SCHIP1: variants seen among roughly 807,000 people sequenced by gnomAD.
SCHIP1 encodes the protein schwannomin interacting protein 1.
SCHIP1 carries 8 observed loss-of-function variants against 29.7 expected under a neutral mutation model. The ratio of observed to expected loss-of-function variants is 0.27; its 90% confidence interval spans 0.16 to 0.49. The LOEUF is 0.49. Among genes scored for constraint, SCHIP1 ranks in the 20% least tolerant of loss-of-function variants. The pLI is 0.99. For synonymous variants in SCHIP1, 76 were observed against 94.9 expected, an observed-to-expected ratio of 0.80 and a Z score of 1.16; for missense variants, 193 against 294.6, an observed-to-expected ratio of 0.66 and a Z score of 2.52.
the SCHIP1 span, among the ~76,000 whole-genome samples, chr3:159,795,084 G>A: frequency 3.2e-4 from 49 of 152,276 alleles, no homozygotes; most frequent in Middle Eastern, 3.4e-3. Flanking sequence ...GTAAAGGAGC[G>A]GTGAACTGTA....
At chr3:159,300,179 A>G in the SCHIP1 span, among the ~76,000 whole-genome samples, 3,634 of 135,462 alleles carry the variant, frequency 0.027, 156 homozygotes, top group African/African-American at 0.099. Flanking sequence ...TGGAGTGCGA[A>G]TGGCATAATC....
chr3:159,698,655 T>C, the SCHIP1 span, among the ~76,000 whole-genome samples: 1 of 152,184 alleles, frequency 6.6e-6, no homozygotes, highest in Non-Finnish European at 1.5e-5. Context: ...TTATTTTTTC[T>C]TGAGGCAGGG....
the SCHIP1 span, among the ~76,000 whole-genome samples, chr3:159,479,951 A>G: frequency 3.9e-4 from 59 of 152,296 alleles, no homozygotes; most frequent in Non-Finnish European, 7.2e-4. Flanking sequence ...GGAGTTGGGG[A>G]AAATTGTTAG....
At chr3:159,575,288 T>C in the SCHIP1 span, among the ~76,000 whole-genome samples, 1 of 152,230 alleles carries the variant, frequency 6.6e-6, no homozygotes, top group African/African-American at 2.4e-5. Flanking sequence ...ATAATTTTTA[T>C]TAGAGTACTA....
chr3:159,535,967 T>C, the SCHIP1 span, among the ~76,000 whole-genome samples: 2 of 152,352 alleles, frequency 1.3e-5, no homozygotes, highest in East Asian at 3.9e-4. Flanking sequence ...CTATGCAGCA[T>C]GGTAGCTATT....
the SCHIP1 span, among the ~76,000 whole-genome samples, chr3:159,626,302 T>A: frequency 1.5e-5 from 2 of 137,068 alleles, no homozygotes; most frequent in South Asian, 2.4e-4. Flanking sequence ...ATAGATAGAT[T>A]TTTTTTTACC....
chr3:159,672,753 A>G, the SCHIP1 span, among the ~76,000 whole-genome samples: 1 of 152,218 alleles, frequency 6.6e-6, no homozygotes, highest in Non-Finnish European at 1.5e-5. Context: ...TGGAATATTT[A>G]ATCTTACTGG....
the SCHIP1 span, among the ~76,000 whole-genome samples, chr3:159,780,769 G>T: frequency 6.6e-6 from 1 of 152,204 alleles, no homozygotes. Context: ...TGGCACCAGT[G>T]ACCTTGGAAA....
At chr3:159,560,004 A>G in the SCHIP1 span, among the ~76,000 whole-genome samples, 2 of 152,184 alleles carry the variant, frequency 1.3e-5, no homozygotes, top group African/African-American at 4.8e-5. Context: ...CCTAGATAAG[A>G]AATAAAGTAC....
chr3:159,718,287 T>C, the SCHIP1 span, among the ~76,000 whole-genome samples: 7 of 152,088 alleles, frequency 4.6e-5, no homozygotes, highest in East Asian at 3.9e-4. Context: ...ACTGAATGGG[T>C]AAAAACTGGA....
the SCHIP1 span, among the ~76,000 whole-genome samples, chr3:159,681,521 A>G: frequency 6.6e-6 from 1 of 152,206 alleles, no homozygotes; most frequent in African/African-American, 2.4e-5. Context: ...CATAGCATGG[A>G]TAAAAGTTTG....
chr3:159,857,393 G>A (rs1713512963), intron 1 of SCHIP1, among the ~76,000 whole-genome samples: 1 of 151,994 alleles, frequency 6.6e-6, no homozygotes, highest in African/African-American at 2.4e-5. Context: ...GTTGCCTTAG[G>A]CTTCCAGCTC....
At chr3:159,289,713 G>T in the SCHIP1 span, among the ~76,000 whole-genome samples, 1 of 152,240 alleles carries the variant, frequency 6.6e-6, no homozygotes, top group African/African-American at 2.4e-5. Flanking sequence ...CTGTCAATGC[G>T]CAGGGCCTGC....
At chr3:159,532,321 A>G in the SCHIP1 span, among the ~76,000 whole-genome samples, 3 of 152,138 alleles carry the variant, frequency 2.0e-5, no homozygotes, top group Non-Finnish European at 4.4e-5. Context: ...TTTTACTGCC[A>G]GTCATTCCCA....
the SCHIP1 span, among the ~76,000 whole-genome samples, chr3:159,589,917 T>C: frequency 1.3e-5 from 2 of 152,138 alleles, no homozygotes; most frequent in South Asian, 4.1e-4. Context: ...TGAAGGCAAG[T>C]GTTAGGAAAA....
the SCHIP1 span, among the ~76,000 whole-genome samples, chr3:159,672,336 CAT>C: frequency 1.3e-5 from 2 of 152,208 alleles, no homozygotes; most frequent in African/African-American, 4.8e-5. Context: ...TTTGAAATGA[CAT>C]TAACTACTGT....
chr3:159,710,367 A>G, the SCHIP1 span, among the ~76,000 whole-genome samples: 1 of 152,182 alleles, frequency 6.6e-6, no homozygotes, highest in African/African-American at 2.4e-5. Context: ...TCTCTCTGGT[A>G]CCAGAGGCTG....
At chr3:159,420,592 T>C in the SCHIP1 span, among the ~76,000 whole-genome samples, 1 of 152,202 alleles carries the variant, frequency 6.6e-6, no homozygotes, top group Non-Finnish European at 1.5e-5. Context: ...GAGGGAAATT[T>C]CTTCTTCATG....
chr3:159,384,800 C>T, the SCHIP1 span, among the ~76,000 whole-genome samples: 1 of 152,076 alleles, frequency 6.6e-6, no homozygotes, highest in Non-Finnish European at 1.5e-5. Flanking sequence ...TGTTATTGGT[C>T]TGTTCAGAGA....
Sources: allele counts gnomAD v4.1 joint callset (sites outside exome capture counted in the v4.1 genomes callset), GRCh38; gene constraint gnomAD v4.1.1; transcripts MANE v1.5; gene names NCBI Gene and HGNC (gene_info 2026-07-23, HGNC 2026-07-21).